CD2AP: variants seen among roughly 807,000 people sequenced by gnomAD.
CD2AP encodes the protein CD2 associated protein.
CD2AP carries 46 observed loss-of-function variants against 85.1 expected under a neutral mutation model. The observed-to-expected ratio is 0.54, with a 90% confidence interval of 0.43 to 0.69. The LOEUF (loss-of-function observed/expected upper bound fraction) is 0.69. Ranked by LOEUF, CD2AP falls within the 30% of genes least tolerant of loss-of-function variation. The pLI, the probability that CD2AP is intolerant of heterozygous loss-of-function variation, is 0.00. For missense variants in CD2AP, 769 were observed against 729.5 expected (o/e 1.05, Z -0.62); for synonymous variants, 255 against 252.9 (o/e 1.01, Z -0.08).
chr6:47,570,092 G>T (rs1276117517), intron 5 of CD2AP, among the ~76,000 whole-genome samples: 1 of 151,780 alleles, frequency 6.6e-6, no homozygotes, highest in Non-Finnish European at 1.5e-5. Flanking sequence ...TGACTTTAAT[G>T]GTGAACTTGG....
intron 12 of CD2AP, 67 bp from the exon 13 acceptor site, chr6:47,599,234 A>T (rs1769038604): frequency 2.9e-6 from 4 of 1,357,884 alleles, no homozygotes; most frequent in Non-Finnish European, 4.2e-6. Context: ...TAATGTCATT[A>T]AATCACAATT....
At chr6:47,562,913 G>T in intron 5 of CD2AP, 1 of 657,226 alleles carries the variant, frequency 1.5e-6, no homozygotes, top group South Asian at 1.8e-5. Flanking sequence ...TTGACAGAGA[G>T]AGAAAACCCT....
chr6:47,578,280 A>G (rs1240588232), intron 8 of CD2AP, among the ~76,000 whole-genome samples: 1 of 151,138 alleles, frequency 6.6e-6, no homozygotes, highest in Non-Finnish European at 1.5e-5. Context: ...AGCTCAATGC[A>G]GCCTTGAGCT....
At chr6:47,614,314 A>T (rs949367852) in intron 17 of CD2AP, among the ~76,000 whole-genome samples, 9 of 152,088 alleles carry the variant, frequency 5.9e-5, no homozygotes, top group Non-Finnish European at 1.0e-4. Flanking sequence ...TTTTTATTTA[A>T]TGTGAGAGGG....
intron 5 of CD2AP, among the ~76,000 whole-genome samples, chr6:47,563,647 T>G (rs1440538065): frequency 6.6e-6 from 1 of 152,182 alleles, no homozygotes; most frequent in Non-Finnish European, 1.5e-5. Context: ...AAGAATCCCT[T>G]TCTTTAAAGC....
chr6:47,564,091 C>T (rs1443047199), intron 5 of CD2AP, among the ~76,000 whole-genome samples: 4 of 151,966 alleles, frequency 2.6e-5, no homozygotes, highest in African/African-American at 9.7e-5. Flanking sequence ...TGAGAGTACT[C>T]GATAACAATT....
chr6:47,501,230 A>C (rs1443771857), intron 1 of CD2AP, among the ~76,000 whole-genome samples: 3 of 152,200 alleles, frequency 2.0e-5, no homozygotes, highest in African/African-American at 7.2e-5. Flanking sequence ...CTATTTAAAA[A>C]ATAAAAATAA....
At chr6:47,589,877 T>C (rs566556981) in intron 11 of CD2AP, among the ~76,000 whole-genome samples, 53 of 152,134 alleles carry the variant, frequency 3.5e-4, no homozygotes, top group Non-Finnish European at 6.3e-4. Flanking sequence ...AAGTATGAAA[T>C]GGAAATAGAC....
chr6:47,483,793 T>G (rs1321030779), intron 1 of CD2AP, among the ~76,000 whole-genome samples: 1 of 122,222 alleles, frequency 8.2e-6, no homozygotes, highest in Non-Finnish European at 1.6e-5. Flanking sequence ...GATGTGCCTG[T>G]TTTTTTTTTT....
At chr6:47,567,775 A>G (rs1463657837) in intron 5 of CD2AP, among the ~76,000 whole-genome samples, 2 of 152,224 alleles carry the variant, frequency 1.3e-5, no homozygotes, top group African/African-American at 2.4e-5. Context: ...TTAGATGTGA[A>G]TGTTGAGCCT....
intron 5 of CD2AP, among the ~76,000 whole-genome samples, chr6:47,565,438 T>C (rs1324204513): frequency 6.6e-6 from 1 of 152,174 alleles, no homozygotes; most frequent in African/African-American, 2.4e-5. Context: ...TTTCCCCTTA[T>C]TTTATGAAAC....
chr6:47,572,923 T>C (rs1768195082), intron 5 of CD2AP, among the ~76,000 whole-genome samples: 1 of 152,250 alleles, frequency 6.6e-6, no homozygotes, highest in Non-Finnish European at 1.5e-5. Flanking sequence ...ACTGTTATTT[T>C]TTAACAGACT....
chr6:47,612,357 G>T, intron 16 of CD2AP, 116 bp from the exon 17 acceptor site: 1 of 688,824 alleles, frequency 1.5e-6, no homozygotes. Context: ...CATTGCTATT[G>T]CCCTTAAAAA....
At chr6:47,556,178 G>C (rs536192392) in intron 5 of CD2AP, among the ~76,000 whole-genome samples, 1 of 150,858 alleles carries the variant, frequency 6.6e-6, no homozygotes, top group Non-Finnish European at 1.5e-5. Flanking sequence ...TCTACATTAG[G>C]TATTTCTCCT....
At chr6:47,598,214 T>C (rs544322680) in intron 12 of CD2AP, among the ~76,000 whole-genome samples, 1 of 151,102 alleles carries the variant, frequency 6.6e-6, no homozygotes, top group East Asian at 1.9e-4. Context: ...ACCTCACTTC[T>C]GCAAGAATGG....
In CD2AP at chr6:47,548,829, A is replaced by T. The variant is rs1222940522; in HGVS notation, c.420+4123A>T. Reference sequence around the variant, plus strand: ...ACAAAGTACTAGCTAACTGAATCCAACAACATATCAAAAAGATAATACACC... The same window carrying T: ...ACAAAGTACTAGCTAACTGAATCCATCAACATATCAAAAAGATAATACACC... On this transcript the variant is annotated intron_variant, in intron 4 of 17. Transcript: ENST00000359314. Among the ~76,000 whole-genome samples, 3 of 152,182 alleles carry T rather than the reference A, an allele frequency of 2.0e-5. No homozygotes were observed. The East Asian group carries it at 5.8e-4, about 29-fold the overall frequency.
At chr6:47,512,410 A>C (rs1392535602) in intron 2 of CD2AP, among the ~76,000 whole-genome samples, 1 of 152,204 alleles carries the variant, frequency 6.6e-6, no homozygotes, top group African/African-American at 2.4e-5. Flanking sequence ...GGATGGTGGA[A>C]CTAGGCTTCT....
chr6:47,548,987 T>G lies in CD2AP; in HGVS notation c.420+4281T>G, dbSNP rs989500250. On this transcript the variant is annotated intron_variant, in intron 4 of 17. Transcript: ENST00000359314. ...ATCTCAATAGATGCAGAAAAAACAT[T>G]AGACAAAATCCAGCATCACTTTATG... Among the ~76,000 whole-genome samples the G allele has an allele frequency of 1.4e-4, 21 of 152,208 alleles. 1 individual carries two copies. Among genetic ancestry groups the G allele is most frequent in the Admixed American group, 1.4e-3 (21 of 15,286 alleles).
At chr6:47,540,367 C>T (rs931969322) in intron 3 of CD2AP, among the ~76,000 whole-genome samples, 1 of 151,722 alleles carries the variant, frequency 6.6e-6, no homozygotes, top group African/African-American at 2.4e-5. Context: ...CAAAGTGCCC[C>T]CTTAATTGTG....
Sources: allele counts gnomAD v4.1 joint callset (sites outside exome capture counted in the v4.1 genomes callset), GRCh38; gene constraint gnomAD v4.1.1; transcripts MANE v1.5; gene names NCBI Gene and HGNC (gene_info 2026-07-23, HGNC 2026-07-21).